The following KCNG2 variants were observed in gnomAD, a reference collection of about 807,000 sequenced individuals.
The protein encoded by KCNG2 is voltage-gated potassium channel regulatory subunit KCNG2.
Under a neutral mutation model 12.3 loss-of-function variants are expected in KCNG2, and 7 were observed. The ratio of observed to expected loss-of-function variants is 0.57; its 90% CI spans 0.32 to 1.07. The LOEUF is 1.07. Among genes scored for constraint, KCNG2 ranks in the 50% least tolerant of loss-of-function variants. The pLI is 0.04. For missense variants in KCNG2, 703 were observed against 726.0 expected (o/e 0.97, Z 0.36); for synonymous variants, 414 against 351.4 (o/e 1.18, Z -1.99).
In KCNG2 at chr18:79,899,825, C is replaced by G; in HGVS notation, c.*9C>G. 1 of 1,358,198 alleles carries G rather than the reference C, an allele frequency of 7.4e-7. No individual in the cohort carries two copies. Among genetic ancestry groups the G allele is most frequent in the Non-Finnish European group, 9.4e-7 (1 of 1,060,698 alleles). The allele number at this position is 1,358,198 out of a possible 1,614,324, so 84.1% of individuals were successfully genotyped here. ...TGCGGGCAGGGCGCTGACGCCTGCG[C>G]CGCCCACACGGAGACCCCCTGCCCC... On this transcript the variant is annotated 3_prime_UTR_variant, in exon 4 of 4. Transcript: ENST00000316249.
chr18:79,803,015 C>G lies in KCNG2; in HGVS notation c.-115+5001C>G, dbSNP rs1290179910. 1.3e-5 allele frequency among the ~76,000 whole-genome samples: 2 copies of G among 152,146 alleles called. No individual in the cohort carries two copies. The highest frequency in any genetic ancestry group is 2.4e-5 in the African/African-American group (1 of 41,438). ...TCAACATGGTGAAACCTCATCTCTACTAAAACACAAAAATTAGCCGGGCAT... is the reference window on the plus strand; with the variant it reads ...TCAACATGGTGAAACCTCATCTCTAGTAAAACACAAAAATTAGCCGGGCAT... On this transcript the variant is annotated intron_variant, in intron 1 of 3. Coordinates refer to ENST00000316249, the MANE Select transcript of KCNG2 (RefSeq NM_012283.2). The surrounding 1 kb of genome is among the most constrained non-coding windows in gnomAD (Gnocchi z 4.5).
In KCNG2 at chr18:79,864,319, CG is replaced by C. The variant is rs746628831; in HGVS notation, c.624+31del. The C allele has an allele frequency of 2.3e-5, 27 of 1,157,470 alleles. No individual in the cohort carries two copies. In the East Asian group the frequency reaches 6.8e-4, roughly 29 times the overall value. 71.7% of individuals were successfully genotyped at this position (1,157,470 alleles called of 1,614,324 possible). A position where few individuals can be genotyped will look rare whatever the true frequency, so the allele number is the denominator to read the frequency against. On this transcript the variant is annotated intron_variant, in intron 3 of 3. Transcript: ENST00000316249. The stretch of plus-strand genomic sequence containing the variant: ...GAGCGCGGCCGGGGGTGGCGGGGAC[CG>C]GGCCGGAGCTGGGGCTGGGCTGGGA...
chr18:79,822,717 C>T lies in KCNG2; in HGVS notation c.-115+24703C>T, dbSNP rs545299073. On this transcript the variant is annotated intron_variant, in intron 1 of 3. Coordinates refer to ENST00000316249, the MANE Select transcript of KCNG2 (RefSeq NM_012283.2). The surrounding 1 kb of genome is among the most constrained non-coding windows in gnomAD (Gnocchi z 4.4). The stretch of plus-strand genomic sequence containing the variant: ...AGTGCTGAGATCACAGGTGTGAGCA[C>T]CGTGCTGGGCCTTCAAACGTGTGCT... Among the ~76,000 whole-genome samples, 60 of 152,326 alleles carry T rather than the reference C, an allele frequency of 3.9e-4. No homozygotes were observed. Among genetic ancestry groups the T allele is most frequent in the Non-Finnish European group, 7.3e-4 (50 of 68,028 alleles).
intron 1 of KCNG2, among the ~76,000 whole-genome samples, chr18:79,807,406 C>T (rs1426142094): frequency 6.6e-6 from 1 of 152,176 alleles, no homozygotes; most frequent in South Asian, 2.1e-4. Flanking sequence ...CGTAAACACC[C>T]GAGCACCCAG....
At chr18:79,876,349 C>G (rs1262934367) in intron 3 of KCNG2, 4 of 152,608 alleles carry the variant, frequency 2.6e-5, no homozygotes, top group Non-Finnish European at 5.9e-5. Context: ...TGGAAAGTTG[C>G]AAGCACACTG....
intron 1 of KCNG2, among the ~76,000 whole-genome samples, chr18:79,846,835 G>A (rs781426733): frequency 1.3e-5 from 2 of 152,170 alleles, no homozygotes; most frequent in African/African-American, 2.4e-5. Context: ...TGTCACCGCC[G>A]AGGTTAACAG....
intron 3 of KCNG2, among the ~76,000 whole-genome samples, chr18:79,883,622 T>C (rs1980405188): frequency 6.6e-6 from 1 of 152,144 alleles, no homozygotes; most frequent in African/African-American, 2.4e-5. Context: ...GCTGAATTTG[T>C]GTGGCTGCTT....
intron 1 of KCNG2, among the ~76,000 whole-genome samples, chr18:79,842,575 A>C (rs1978494546): frequency 6.6e-6 from 1 of 152,248 alleles, no homozygotes; most frequent in Non-Finnish European, 1.5e-5. Flanking sequence ...AAAGAAGCTC[A>C]GTGAGCTACA....
intron 1 of KCNG2, among the ~76,000 whole-genome samples, chr18:79,802,438 C>T (rs988347756): frequency 4.6e-5 from 7 of 152,138 alleles, no homozygotes; most frequent in East Asian, 3.8e-4. Flanking sequence ...CTGTCCCAGC[C>T]GTGCCGCTCC....
intron 1 of KCNG2, among the ~76,000 whole-genome samples, chr18:79,830,687 C>T (rs1326896977): frequency 7.3e-6 from 1 of 136,562 alleles, no homozygotes; most frequent in East Asian, 2.0e-4. Context: ...CAGGAGGGTT[C>T]CCTGCAGACA....
chr18:79,816,702 G>A (rs1340022200), intron 1 of KCNG2, among the ~76,000 whole-genome samples: 1 of 152,184 alleles, frequency 6.6e-6, no homozygotes, highest in Admixed American at 6.5e-5. Flanking sequence ...TTCCTGGGAC[G>A]ATGTTCTCGC....
At chr18:79,874,948 G>T (rs1980009612) in intron 3 of KCNG2, among the ~76,000 whole-genome samples, 1 of 152,124 alleles carries the variant, frequency 6.6e-6, no homozygotes, top group South Asian at 2.1e-4. Context: ...GCGTCTCCAG[G>T]TATGTGACAG....
At chr18:79,855,886 G>A (rs1357448511) in intron 1 of KCNG2, among the ~76,000 whole-genome samples, 2 of 152,124 alleles carry the variant, frequency 1.3e-5, no homozygotes, top group Non-Finnish European at 1.5e-5. Context: ...ATGAAATTGA[G>A]CATTTTTTCA....
chr18:79,850,340 A>G (rs768727193), intron 1 of KCNG2, among the ~76,000 whole-genome samples: 1 of 152,234 alleles, frequency 6.6e-6, no homozygotes, highest in Non-Finnish European at 1.5e-5. Flanking sequence ...AGAACTCTTG[A>G]TAAAGTCATT....
intron 3 of KCNG2, among the ~76,000 whole-genome samples, chr18:79,874,418 C>T (rs1429260052): frequency 2.0e-5 from 3 of 152,230 alleles, no homozygotes; most frequent in Admixed American, 6.5e-5. Context: ...GAGGGGGGAG[C>T]CACTCCCCAA....
chr18:79,852,632 G>A (rs1299427656), intron 1 of KCNG2, among the ~76,000 whole-genome samples: 1 of 152,262 alleles, frequency 6.6e-6, no homozygotes, highest in African/African-American at 2.4e-5. Context: ...GAAGATCACC[G>A]TTGTCCATGC....
At chr18:79,897,134 T>G (rs1175558636) in intron 3 of KCNG2, among the ~76,000 whole-genome samples, 1 of 152,206 alleles carries the variant, frequency 6.6e-6, no homozygotes, top group Non-Finnish European at 1.5e-5. Context: ...AAAATTGTTT[T>G]TTTTTTCAGC....
chr18:79,882,265 C>T (rs1264328105), intron 3 of KCNG2, among the ~76,000 whole-genome samples: 2 of 152,180 alleles, frequency 1.3e-5, no homozygotes, highest in Non-Finnish European at 2.9e-5. Context: ...AACCCTAACA[C>T]TGAGAGGCCG....
intron 1 of KCNG2, among the ~76,000 whole-genome samples, chr18:79,853,002 G>A (rs917009541): frequency 2.0e-5 from 3 of 152,230 alleles, no homozygotes; most frequent in African/African-American, 2.4e-5. Flanking sequence ...GGCTGGACAC[G>A]GCACCGCGTG....
Sources: gnomAD v4.1 joint callset for allele counts (sites outside exome capture counted in the v4.1 genomes callset) on GRCh38, gnomAD v4.1.1 for gene constraint, Gnocchi (gnomAD v3.1) non-coding constraint, MANE v1.5 for transcripts, NCBI Gene and HGNC (gene_info 2026-07-23, HGNC 2026-07-21) for gene names.